COLGALT2: variants seen among roughly 807,000 people sequenced by gnomAD.
COLGALT2 encodes procollagen galactosyltransferase 2.
Under a neutral mutation model 73.4 loss-of-function variants are expected in COLGALT2, and 49 were observed. That is an observed-to-expected ratio of 0.67 (90% CI 0.53 to 0.85). COLGALT2 has a LOEUF of 0.85. COLGALT2 is among the 40% of genes least tolerant of loss of function. The pLI is 0.00. For synonymous variants in COLGALT2, 295 were observed against 307.6 expected (o/e 0.96, Z 0.43); for missense variants, 722 against 790.2 (o/e 0.91, Z 1.03).
chr1:184,032,139 C>T (rs1649533608), intron 1 of COLGALT2, among the ~76,000 whole-genome samples: 2 of 151,992 alleles, frequency 1.3e-5, no homozygotes, highest in Non-Finnish European at 2.9e-5. Context: ...AGAAATCTGC[C>T]CACCTCGGCC....
intron 5 of COLGALT2, among the ~76,000 whole-genome samples, chr1:183,966,878 A>G (rs1343516614): frequency 6.6e-6 from 1 of 152,192 alleles, no homozygotes; most frequent in African/African-American, 2.4e-5. Flanking sequence ...CTCCTCACTC[A>G]TCACCCACAT....
In COLGALT2 at chr1:183,945,570, T is replaced by A; in HGVS notation, c.1137-6A>T. On this transcript the variant is annotated splice_polypyrimidine_tract_variant and splice_region_variant and intron_variant, in intron 8 of 11. Coordinates refer to ENST00000361927, the MANE Select transcript of COLGALT2 (RefSeq NM_015101.4). Reference sequence around the variant, plus strand: ...GCTGGCTTGTGTTGAGTGCCCTGCATCACATAAAACACGTCTGGAGATTAA... The same window carrying A: ...GCTGGCTTGTGTTGAGTGCCCTGCAACACATAAAACACGTCTGGAGATTAA... 6.2e-7 allele frequency: 1 copy of A among 1,613,942 alleles called. No homozygotes were observed. Among genetic ancestry groups the A allele is most frequent in the Non-Finnish European group, 8.5e-7 (1 of 1,179,962 alleles).
At chr1:183,966,961 T>C (rs1253325122) in intron 5 of COLGALT2, among the ~76,000 whole-genome samples, 1 of 152,136 alleles carries the variant, frequency 6.6e-6, no homozygotes, top group Non-Finnish European at 1.5e-5. Context: ...GCCTGGGACA[T>C]AGATGATACA....
chr1:183,962,447 C>T (rs1237185690), intron 6 of COLGALT2, among the ~76,000 whole-genome samples: 1 of 152,034 alleles, frequency 6.6e-6, no homozygotes, highest in Non-Finnish European at 1.5e-5. Context: ...CCATGAGCCA[C>T]CATGCCAGCC....
Position 183,973,702 on chromosome 1 carries a change from G to C in COLGALT2, c.541C>G (p.Leu181Val). The C allele has an allele frequency of 6.2e-7, 1 of 1,613,868 alleles. No individual in the cohort carries two copies. ...ACAATAGTTTTGTTTTCTGCAATCA[G>C]TAGATTGAGGGTCTGTGGATTAGTC... ...FLTNPQTLNL[L>V]IAENKTIVAP... Residue 181 changes from leucine (L) to valine (V), a missense_variant, in exon 4 of 12, where the codon CTG becomes GTG. Transcript: ENST00000361927.
At chr1:184,032,600 G>A (rs955495468) in intron 1 of COLGALT2, among the ~76,000 whole-genome samples, 1 of 152,166 alleles carries the variant, frequency 6.6e-6, no homozygotes, top group East Asian at 1.9e-4. Context: ...GGAAAATGAG[G>A]AAAGGAGGAA....
chr1:184,005,145 T>C (rs1256233360), intron 1 of COLGALT2, among the ~76,000 whole-genome samples: 2 of 152,102 alleles, frequency 1.3e-5, no homozygotes, highest in African/African-American at 4.8e-5. Flanking sequence ...CAGAGCACGC[T>C]ACTGAGCCGG....
intron 1 of COLGALT2, among the ~76,000 whole-genome samples, chr1:183,998,866 A>G (rs573290036): frequency 6.6e-6 from 1 of 152,220 alleles, no homozygotes; most frequent in Admixed American, 6.5e-5. Context: ...TTAGATACTC[A>G]GTTGGTATCT....
At chr1:183,975,049 G>T in intron 3 of COLGALT2, 48 bp downstream of exon 3, 1 of 1,357,040 alleles carries the variant, frequency 7.4e-7, no homozygotes, top group Non-Finnish European at 1.1e-6. Context: ...GACTGATTTG[G>T]ATACACCTGA....
At chr1:183,977,268 G>C (rs761030662) in intron 2 of COLGALT2, among the ~76,000 whole-genome samples, 1 of 150,838 alleles carries the variant, frequency 6.6e-6, no homozygotes, top group East Asian at 2.0e-4. Flanking sequence ...TCAGGAGATC[G>C]AGACCATCCT....
chr1:183,938,261 C>A lies in COLGALT2; in HGVS notation c.*500G>T. ...GTGACAGAATCCTTTAAATAAAAAGCCAAATAAATATGATTTTAAGTGATT... is the reference window on the plus strand; with the variant it reads ...GTGACAGAATCCTTTAAATAAAAAGACAAATAAATATGATTTTAAGTGATT... On this transcript the variant is annotated 3_prime_UTR_variant, in exon 12 of 12. Coordinates refer to ENST00000361927, the MANE Select transcript of COLGALT2 (RefSeq NM_015101.4). 1.0e-6 allele frequency: 1 copy of A among 983,230 alleles called. No homozygotes were observed. Among genetic ancestry groups the A allele is most frequent in the Non-Finnish European group, 1.2e-6 (1 of 829,432 alleles). 60.9% of individuals were successfully genotyped at this position (983,230 alleles called of 1,614,324 possible). A position where few individuals can be genotyped will look rare whatever the true frequency, so the allele number is the denominator to read the frequency against.
At chr1:183,984,250 C>A (rs1328739298) in intron 1 of COLGALT2, among the ~76,000 whole-genome samples, 1 of 152,172 alleles carries the variant, frequency 6.6e-6, no homozygotes, top group African/African-American at 2.4e-5. Flanking sequence ...ACTAAAAATA[C>A]AAAAATTAAC....
At chr1:183,934,295 C>T (rs1255144467), downstream of COLGALT2, among the ~76,000 whole-genome samples, 8 of 152,224 alleles carry the variant, frequency 5.3e-5, no homozygotes, top group African/African-American at 1.9e-4. Flanking sequence ...CTTCTCTCTT[C>T]TCCAAGCAGG....
intron 2 of COLGALT2, 90 bp from the exon 3 acceptor site, chr1:183,975,304 A>G (rs1452005994): frequency 6.9e-6 from 5 of 722,824 alleles, no homozygotes; most frequent in Admixed American, 5.3e-5. Flanking sequence ...TTAATCTTCT[A>G]TCAATCCCAG....
chr1:183,931,933 C>G (rs529559166), downstream of COLGALT2, among the ~76,000 whole-genome samples: 32 of 151,722 alleles, frequency 2.1e-4, no homozygotes, highest in African/African-American at 7.7e-4. Context: ...TGTTAGCTTG[C>G]CCTTTGACAT....
At chr1:183,941,068 T>C (rs1462436965) in intron 10 of COLGALT2, among the ~76,000 whole-genome samples, 1 of 152,168 alleles carries the variant, frequency 6.6e-6, no homozygotes, top group Non-Finnish European at 1.5e-5. Context: ...GATTAAAAGA[T>C]CTTTCAGATC....
At chr1:183,980,761 AGG>A (rs1165012731) in intron 1 of COLGALT2, among the ~76,000 whole-genome samples, 1 of 151,330 alleles carries the variant, frequency 6.6e-6, no homozygotes, top group Non-Finnish European at 1.5e-5. Context: ...ACACACACAC[AGG>A]CACACAACTA....
At chr1:183,973,813 A>C in intron 3 of COLGALT2, 63 bp from the exon 4 acceptor site, 1 of 1,531,800 alleles carries the variant, frequency 6.5e-7, no homozygotes, top group Non-Finnish European at 9.0e-7. Flanking sequence ...TTTGAGAATA[A>C]CCCAGCCCTT....
downstream of COLGALT2, among the ~76,000 whole-genome samples, chr1:183,931,601 C>T (rs1167208575): frequency 1.3e-5 from 2 of 152,060 alleles, no homozygotes; most frequent in Non-Finnish European, 1.5e-5. Flanking sequence ...GCTTGAGTGG[C>T]GTTCAGGAGA....
Sources: gnomAD v4.1 joint callset for allele counts (sites outside exome capture counted in the v4.1 genomes callset) on GRCh38, gnomAD v4.1.1 for gene constraint, MANE v1.5 for transcripts, NCBI Gene and HGNC (gene_info 2026-07-23, HGNC 2026-07-21) for gene names.